MSI2: variants seen among roughly 807,000 people sequenced by gnomAD.
The protein encoded by MSI2 is RNA-binding protein Musashi homolog 2.
Under a neutral mutation model 45.6 loss-of-function variants are expected in MSI2, and 17 were observed. That is an observed-to-expected ratio of 0.37 (90% CI 0.26 to 0.56). The LOEUF (loss-of-function observed/expected upper bound fraction) is 0.56. MSI2 is among the 20% of genes least tolerant of loss of function. MSI2 has a pLI of 0.77. For synonymous variants in MSI2, 156 were observed against 158.2 expected (o/e 0.99, Z 0.11); for missense variants, 293 against 444.2 (o/e 0.66, Z 3.06).
Position 57,451,274 on chromosome 17 carries a change from G to T in MSI2, c.405+49803G>T, listed in dbSNP as rs117591789. ...TTGAGCATGTGAATTGTGTGACGAT[G>T]TGGGTGCGTGCATGTGTGTGGGTGC... On this transcript the variant is annotated intron_variant, in intron 6 of 13. Coordinates refer to ENST00000284073, the MANE Select transcript of MSI2 (RefSeq NM_138962.4). 1.0e-3 allele frequency among the ~76,000 whole-genome samples: 158 copies of T among 152,250 alleles called. 4 individuals carry two copies. In the East Asian group the frequency reaches 0.015, roughly 14 times the overall value.
chr17:57,506,566 G>A (rs961710688), intron 6 of MSI2, among the ~76,000 whole-genome samples: 5 of 152,136 alleles, frequency 3.3e-5, no homozygotes, highest in Non-Finnish European at 4.4e-5. Context: ...CACCGTCCCC[G>A]AGAACAGCCA....
chr17:57,482,722 C>G (rs893815180), intron 6 of MSI2, among the ~76,000 whole-genome samples: 2 of 152,098 alleles, frequency 1.3e-5, no homozygotes, highest in African/African-American at 2.4e-5. Context: ...TATAGATTCC[C>G]TGTTTGTAGA....
chr17:57,444,458 C>G (rs1053828826), intron 6 of MSI2: 1 of 152,274 alleles, frequency 6.6e-6, no homozygotes, highest in South Asian at 2.1e-4. Flanking sequence ...GCGGCGGGCA[C>G]CTGTAATCCC....
chr17:57,519,943 G>C (rs1025129459), intron 6 of MSI2, among the ~76,000 whole-genome samples: 1 of 152,136 alleles, frequency 6.6e-6, no homozygotes, highest in Non-Finnish European at 1.5e-5. Flanking sequence ...GTAATCCCAA[G>C]CTACTCAGGA....
At chr17:57,346,047 T>G (rs981216213) in intron 5 of MSI2, among the ~76,000 whole-genome samples, 2 of 152,160 alleles carry the variant, frequency 1.3e-5, no homozygotes, top group Non-Finnish European at 2.9e-5. Context: ...ATGAAAAATG[T>G]TAGGTCCATA....
intron 6 of MSI2, among the ~76,000 whole-genome samples, chr17:57,422,324 ATGGCAGG>A (rs2143302208): frequency 6.6e-6 from 1 of 152,258 alleles, no homozygotes; most frequent in East Asian, 1.9e-4. Context: ...TCCGAGCATG[ATGGCAGG>A]TGCCCGTAGT....
Position 57,552,856 on chromosome 17 carries a change from C to T in MSI2, c.454+23132C>T, listed in dbSNP as rs954696143. Among the ~76,000 whole-genome samples, 3 of 152,142 alleles carry T rather than the reference C, an allele frequency of 2.0e-5. No individual in the cohort carries two copies. Among genetic ancestry groups the T allele is most frequent in the African/African-American group, 7.2e-5 (3 of 41,428 alleles). Reference sequence around the variant, plus strand: ...AAGTGGGGACATAAATATAAACAACCCGGAAATCACTGCCCCTAGAATTCA... The same window carrying T: ...AAGTGGGGACATAAATATAAACAACTCGGAAATCACTGCCCCTAGAATTCA... On this transcript the variant is annotated intron_variant, in intron 7 of 13. Coordinates refer to ENST00000284073, the MANE Select transcript of MSI2 (RefSeq NM_138962.4). This position sits in a 1 kb window ranked among gnomAD's most constrained non-coding sequence, Gnocchi z 4.3.
At chr17:57,523,823 A>G (rs2086644022) in intron 6 of MSI2, among the ~76,000 whole-genome samples, 1 of 151,954 alleles carries the variant, frequency 6.6e-6, no homozygotes, top group African/African-American at 2.4e-5. Flanking sequence ...TTTGCTTTCT[A>G]GTATTATTTT....
At position 57,654,394 on chromosome 17, in the gene MSI2, C is replaced by T. The variant is rs1309272072; in HGVS notation, c.790+2233C>T. ...AGCGTTCTGCCTTTCTTTCTTTTAACGCATTCTGCCAGTAAGGGGACTGTC... is the reference window on the plus strand; with the variant it reads ...AGCGTTCTGCCTTTCTTTCTTTTAATGCATTCTGCCAGTAAGGGGACTGTC... On this transcript the variant is annotated intron_variant, in intron 11 of 13. Coordinates refer to ENST00000284073, the MANE Select transcript of MSI2 (RefSeq NM_138962.4). Among the ~76,000 whole-genome samples, 6 of 152,346 alleles carry T rather than the reference C, an allele frequency of 3.9e-5. No homozygotes were observed. In the East Asian group the frequency reaches 1.2e-3, roughly 29 times the overall value.
intron 6 of MSI2, among the ~76,000 whole-genome samples, chr17:57,410,008 C>CAAAAAAAAAA (rs59098048): frequency 0.1 from 6,194 of 61,244 alleles, 899 homozygotes; most frequent in East Asian, 0.21. Context: ...ACTCTGTCTC[C>CAAAAAAAAAA]AAAAAAAAAA....
At chr17:57,666,324 T>C (rs1912360529) in intron 11 of MSI2, among the ~76,000 whole-genome samples, 1 of 152,202 alleles carries the variant, frequency 6.6e-6, no homozygotes, top group African/African-American at 2.4e-5. Flanking sequence ...GTAACAGGGG[T>C]TACACAGCTG....
intron 6 of MSI2, among the ~76,000 whole-genome samples, chr17:57,458,845 G>A (rs916930777): frequency 2.6e-5 from 4 of 152,210 alleles, no homozygotes; most frequent in African/African-American, 9.6e-5. Flanking sequence ...CAGGCCGTGG[G>A]AGGATAATTT....
chr17:57,616,984 A>T (rs1907775312), intron 9 of MSI2, among the ~76,000 whole-genome samples: 1 of 152,230 alleles, frequency 6.6e-6, no homozygotes, highest in Non-Finnish European at 1.5e-5. Flanking sequence ...ATGGATTTTC[A>T]TTTGGTTTGG....
intron 10 of MSI2, among the ~76,000 whole-genome samples, chr17:57,643,948 C>CA (rs1015018757): frequency 3.2e-4 from 49 of 152,306 alleles, no homozygotes; most frequent in African/African-American, 1.1e-3. Context: ...CTGGCCTTCA[C>CA]ATTTGGCCCC....
chr17:57,401,562 C>A, intron 6 of MSI2, 91 bp downstream of exon 6: 1 of 955,688 alleles, frequency 1.0e-6, no homozygotes, highest in Admixed American at 1.9e-5. Context: ...CCTGCTACAG[C>A]TGTGTCCTCA....
At chr17:57,346,755 C>T (rs1258028993) in intron 5 of MSI2, among the ~76,000 whole-genome samples, 2 of 152,040 alleles carry the variant, frequency 1.3e-5, no homozygotes, top group Non-Finnish European at 2.9e-5. Context: ...TACAGGCACA[C>T]GCCACCATGC....
At chr17:57,633,161 A>G (rs1409117146) in intron 10 of MSI2, 1 of 1,018,836 alleles carries the variant, frequency 9.8e-7, no homozygotes, top group Non-Finnish European at 1.2e-6. Flanking sequence ...ACCGAGGTAG[A>G]AAAATAAATT....
Position 57,477,896 on chromosome 17 carries a change from G to A in MSI2, c.406-51780G>A, listed in dbSNP as rs190810546. Among the ~76,000 whole-genome samples the A allele has an allele frequency of 7.9e-5, 12 of 152,274 alleles. No homozygotes were observed. In the East Asian group the frequency reaches 1.5e-3, roughly 20 times the overall value. On this transcript the variant is annotated intron_variant, in intron 6 of 13. Coordinates refer to ENST00000284073, the MANE Select transcript of MSI2 (RefSeq NM_138962.4). Reference sequence around the variant, plus strand: ...AAGGCATTTGAAGCAAGAGACTATCGCAGCCTTGGTTTAATCCATGTAACC... The same window carrying A: ...AAGGCATTTGAAGCAAGAGACTATCACAGCCTTGGTTTAATCCATGTAACC...
intron 8 of MSI2, among the ~76,000 whole-genome samples, chr17:57,614,054 T>A (rs1292540957): frequency 6.6e-6 from 1 of 151,860 alleles, no homozygotes; most frequent in African/African-American, 2.4e-5. Context: ...GTTTTATTTA[T>A]TTTTTTTATT....
Sources: gnomAD v4.1 joint callset for allele counts (sites outside exome capture counted in the v4.1 genomes callset) on GRCh38, gnomAD v4.1.1 for gene constraint, Gnocchi (gnomAD v3.1) non-coding constraint, MANE v1.5 for transcripts, NCBI Gene and HGNC (gene_info 2026-07-23, HGNC 2026-07-21) for gene names.